Variants in SLC44A1 observed in about 807,000 individuals in gnomAD.
SLC44A1 encodes choline transporter-like protein 1.
A neutral mutation model predicts 79.3 loss-of-function variants in SLC44A1; 26 were observed. The ratio of observed to expected loss-of-function variants is 0.33; its 90% confidence interval spans 0.24 to 0.46. The LOEUF (loss-of-function observed/expected upper bound fraction) is 0.46. Ranked by LOEUF, SLC44A1 falls within the 20% of genes least tolerant of loss-of-function variation. SLC44A1 has a pLI of 1.00. For synonymous variants in SLC44A1, 263 were observed against 286.2 expected (o/e 0.92, Z 0.82); for missense variants, 688 against 798.1 (o/e 0.86, Z 1.66).
chr9:105,438,342 A>C, exon 16 of SLC44A1: 1 of 1,508,780 alleles, frequency 6.6e-7, no homozygotes, highest in Non-Finnish European at 9.0e-7. Flanking sequence ...GGTTGTTTAC[A>C]TGAGGTTCTC....
At chr9:105,362,066 G>A (rs1020069023) in intron 8 of SLC44A1, among the ~76,000 whole-genome samples, 13 of 151,896 alleles carry the variant, frequency 8.6e-5, no homozygotes, top group South Asian at 2.1e-4. Context: ...GTGTGTGCGC[G>A]CGCGCGCGTG....
chr9:105,298,041 G>A (rs1235948010), intron 1 of SLC44A1, among the ~76,000 whole-genome samples: 2 of 151,876 alleles, frequency 1.3e-5, no homozygotes, highest in South Asian at 4.2e-4. Flanking sequence ...GCTCAGGGGG[G>A]TTATTTCAGT....
intron 2 of SLC44A1, among the ~76,000 whole-genome samples, chr9:105,305,047 T>A (rs1171241695): frequency 7.4e-6 from 1 of 134,278 alleles, no homozygotes; most frequent in African/African-American, 2.7e-5. Context: ...CATGGCTCAC[T>A]GCAGTCTTGA....
intron 1 of SLC44A1, among the ~76,000 whole-genome samples, chr9:105,252,424 CTG>C (rs1212670154): frequency 3.9e-5 from 6 of 152,142 alleles, no homozygotes; most frequent in Admixed American, 2.6e-4. Flanking sequence ...CCTTAGAACA[CTG>C]GGGTTTTAAA....
intron 1 of SLC44A1, among the ~76,000 whole-genome samples, chr9:105,294,099 A>G (rs1205997060): frequency 2.0e-5 from 3 of 152,230 alleles, no homozygotes; most frequent in African/African-American, 4.8e-5. Flanking sequence ...CAGTAGTAGT[A>G]TTAGAAATTG....
chr9:105,430,357 A>ATTTGCG (rs1829377018), intron 15 of SLC44A1, among the ~76,000 whole-genome samples: 3 of 152,218 alleles, frequency 2.0e-5, no homozygotes, highest in East Asian at 3.8e-4. Flanking sequence ...AAAGCTGTGC[A>ATTTGCG]ACTAAGACCA....
intron 8 of SLC44A1, among the ~76,000 whole-genome samples, chr9:105,361,753 T>C (rs1827786855): frequency 6.6e-6 from 1 of 152,238 alleles, no homozygotes; most frequent in Non-Finnish European, 1.5e-5. Context: ...TATGGCGTTA[T>C]TTCAAAAATA....
intron 15 of SLC44A1, among the ~76,000 whole-genome samples, chr9:105,424,723 G>T (rs1057474395): frequency 4.6e-5 from 7 of 152,104 alleles, no homozygotes; most frequent in Admixed American, 6.5e-5. Flanking sequence ...AAGGCAGGCG[G>T]ATCACTTGAG....
At chr9:105,418,720 C>T (rs531474115) in intron 15 of SLC44A1, among the ~76,000 whole-genome samples, 1 of 152,296 alleles carries the variant, frequency 6.6e-6, no homozygotes, top group East Asian at 1.9e-4. Flanking sequence ...TAAGCTGCCC[C>T]AGTTGCACAG....
chr9:105,348,561 C>A, intron 5 of SLC44A1, 110 bp downstream of exon 5: 2 of 619,270 alleles, frequency 3.2e-6, no homozygotes, highest in Non-Finnish European at 5.7e-6. Context: ...TTGGCCAGGT[C>A]CAATACTTTT....
intron 9 of SLC44A1, 60 bp downstream of exon 9, chr9:105,363,067 A>G (rs1243854204): frequency 1.5e-5 from 19 of 1,278,610 alleles, no homozygotes; most frequent in Non-Finnish European, 2.0e-5. Context: ...AGTATTTTAG[A>G]ACATCAGAGA....
chr9:105,287,949 G>A (rs1404095663), intron 1 of SLC44A1, among the ~76,000 whole-genome samples: 1 of 152,122 alleles, frequency 6.6e-6, no homozygotes, highest in African/African-American at 2.4e-5. Context: ...TGAGGAAGTA[G>A]AAAAAGCATA....
intron 3 of SLC44A1, among the ~76,000 whole-genome samples, chr9:105,334,212 T>C (rs1212998055): frequency 2.6e-5 from 4 of 151,910 alleles, no homozygotes; most frequent in African/African-American, 9.7e-5. Context: ...TTAATGGGTT[T>C]GGAGTCACTG....
intron 4 of SLC44A1, among the ~76,000 whole-genome samples, chr9:105,346,308 A>C (rs900535347): frequency 3.9e-5 from 6 of 152,108 alleles, no homozygotes; most frequent in Non-Finnish European, 8.8e-5. Flanking sequence ...TATCCTGGGA[A>C]AGTATTTATA....
intron 1 of SLC44A1, among the ~76,000 whole-genome samples, chr9:105,278,010 C>T (rs1240446337): frequency 1.3e-5 from 2 of 151,896 alleles, no homozygotes; most frequent in Non-Finnish European, 2.9e-5. Flanking sequence ...GCTGATCCAG[C>T]ATATAGCCTT....
intron 1 of SLC44A1, among the ~76,000 whole-genome samples, chr9:105,246,040 T>G (rs946473492): frequency 3.3e-5 from 5 of 152,210 alleles, no homozygotes; most frequent in African/African-American, 4.8e-5. Context: ...TCTCACAGTT[T>G]CATTAGCGTA....
At chr9:105,313,122 C>G (rs1321640193) in intron 3 of SLC44A1, among the ~76,000 whole-genome samples, 2 of 152,188 alleles carry the variant, frequency 1.3e-5, no homozygotes, top group Non-Finnish European at 2.9e-5. Context: ...TTCTGCCAGT[C>G]TGAATTCTTG....
chr9:105,255,116 T>TA (rs936660569), intron 1 of SLC44A1, among the ~76,000 whole-genome samples: 27 of 150,936 alleles, frequency 1.8e-4, no homozygotes, highest in Non-Finnish European at 3.1e-4. Context: ...TTTTTTTTTT[T>TA]AATAATTAAA....
chr9:105,390,237 C>T lies in SLC44A1; in HGVS notation c.*1181C>T. On this transcript the variant is annotated 3_prime_UTR_variant, in exon 16 of 16. Transcript: ENST00000374720. ...TTACCAGATATGAATGGCTAATACT[C>T]CATTGTTCTGCTTGTTGTAATGGTG... The T allele has an allele frequency of 9.2e-7, 1 of 1,089,604 alleles. No individual in the cohort carries two copies. The highest frequency in any genetic ancestry group is 4.0e-4 in the Middle Eastern group (1 of 2,488). The allele number at this position is 1,089,604 out of a possible 1,614,324, so 67.5% of individuals were successfully genotyped here.
Sources: gnomAD v4.1 joint callset for allele counts (sites outside exome capture counted in the v4.1 genomes callset) on GRCh38, gnomAD v4.1.1 for gene constraint, MANE v1.5 for transcripts, NCBI Gene and HGNC (gene_info 2026-07-23, HGNC 2026-07-21) for gene names.